The following DOCK3 variants were observed in gnomAD, a reference collection of about 807,000 sequenced individuals.
The protein encoded by DOCK3 is dedicator of cytokinesis protein 3.
A neutral mutation model predicts 265.6 loss-of-function variants in DOCK3; 60 were observed. The observed-to-expected ratio is 0.23, with a 90% CI of 0.18 to 0.28. The LOEUF (loss-of-function observed/expected upper bound fraction) is 0.28. Among genes scored for constraint, DOCK3 ranks in the 10% least tolerant of loss-of-function variants. The pLI is 1.00. For synonymous variants in DOCK3, 881 were observed against 938.0 expected, an observed-to-expected ratio of 0.94 and a Z score of 1.11; for missense variants, 1,981 against 2,594.3, an observed-to-expected ratio of 0.76 and a Z score of 5.14.
At chr3:51,030,990 T>G (rs2080024803) in intron 5 of DOCK3, among the ~76,000 whole-genome samples, 1 of 152,252 alleles carries the variant, frequency 6.6e-6, no homozygotes, top group Non-Finnish European at 1.5e-5. Flanking sequence ...AATGCCTGGC[T>G]GTCTTGAAAA....
At chr3:50,681,368 A>G (rs1273332834) in intron 1 of DOCK3, among the ~76,000 whole-genome samples, 1 of 152,144 alleles carries the variant, frequency 6.6e-6, no homozygotes, top group Non-Finnish European at 1.5e-5. Context: ...ATTTTTTAAA[A>G]TTTTTGTGTC....
chr3:51,235,989 A>G (rs1232863156), intron 19 of DOCK3, among the ~76,000 whole-genome samples: 1 of 152,210 alleles, frequency 6.6e-6, no homozygotes, highest in Non-Finnish European at 1.5e-5. Context: ...TTCTCAAAAT[A>G]AATTTGGCAT....
intron 5 of DOCK3, among the ~76,000 whole-genome samples, chr3:50,983,525 A>T (rs1333000852): frequency 6.6e-6 from 1 of 152,024 alleles, no homozygotes; most frequent in Non-Finnish European, 1.5e-5. Flanking sequence ...TTTCTGCTGA[A>T]AGTTGAGCAC....
intron 5 of DOCK3, among the ~76,000 whole-genome samples, chr3:51,034,127 G>A (rs1187994556): frequency 6.6e-6 from 1 of 152,070 alleles, no homozygotes. Flanking sequence ...TTTAATTGAT[G>A]TATAGTTTTT....
At chr3:50,749,012 T>TCCTG (rs1032581655) in intron 1 of DOCK3, among the ~76,000 whole-genome samples, 3 of 152,204 alleles carry the variant, frequency 2.0e-5, no homozygotes, top group Middle Eastern at 3.4e-3. Context: ...TGATGATACT[T>TCCTG]CCTGCCTGCC....
At chr3:51,003,930 T>C (rs1333876681) in intron 5 of DOCK3, among the ~76,000 whole-genome samples, 1 of 152,180 alleles carries the variant, frequency 6.6e-6, no homozygotes, top group Non-Finnish European at 1.5e-5. Flanking sequence ...CAAAACAGCC[T>C]ACCTTCCTAA....
intron 2 of DOCK3, among the ~76,000 whole-genome samples, chr3:50,793,028 T>A (rs1218064938): frequency 6.6e-6 from 1 of 152,210 alleles, no homozygotes; most frequent in African/African-American, 2.4e-5. Flanking sequence ...GCTGTGAATT[T>A]GTCTGGTCCT....
chr3:51,237,703 T>C (rs1263056891), intron 21 of DOCK3, 113 bp downstream of exon 21: 4 of 908,134 alleles, frequency 4.4e-6, no homozygotes, highest in Non-Finnish European at 6.7e-6. Context: ...TTTAAAAATT[T>C]TATATTTTTA....
intron 11 of DOCK3, among the ~76,000 whole-genome samples, 198 bp downstream of exon 11, chr3:51,159,502 TG>T (rs367886997): frequency 6.8e-4 from 103 of 152,074 alleles, no homozygotes; most frequent in African/African-American, 2.3e-3. Flanking sequence ...TTCGGGGGGG[TG>T]GGTTTTGTTT....
chr3:51,129,843 A>G (rs1048895426), intron 9 of DOCK3, among the ~76,000 whole-genome samples: 2 of 152,198 alleles, frequency 1.3e-5, no homozygotes, highest in African/African-American at 4.8e-5. Flanking sequence ...ATATGGCCCA[A>G]GTGGCAGAGC....
chr3:50,724,239 T>C lies in DOCK3; in HGVS notation c.37+48939T>C, dbSNP rs2037667892. Among the ~76,000 whole-genome samples, 3 of 152,350 alleles carry C rather than the reference T, an allele frequency of 2.0e-5. No individual in the cohort carries two copies. In the South Asian group the frequency reaches 6.2e-4, roughly 32 times the overall value. On this transcript the variant is annotated intron_variant, in intron 1 of 52. Coordinates refer to ENST00000266037, the MANE Select transcript of DOCK3 (RefSeq NM_004947.5). ...TGCAGAAATAGGAATGCTTTTACAC[T>C]GTTGATGGGAGTGTAAATTAGTTAA...
At chr3:51,344,372 A>G (rs1227459725) in intron 38 of DOCK3, among the ~76,000 whole-genome samples, 2 of 152,154 alleles carry the variant, frequency 1.3e-5, no homozygotes, top group African/African-American at 4.8e-5. Flanking sequence ...TGCAATCCCA[A>G]CACTTCGGGA....
intron 38 of DOCK3, among the ~76,000 whole-genome samples, chr3:51,342,348 C>G (rs1322779035): frequency 6.6e-6 from 1 of 152,218 alleles, no homozygotes; most frequent in African/African-American, 2.4e-5. Flanking sequence ...TCTTATGTAA[C>G]CTAGCCCAGA....
intron 1 of DOCK3, among the ~76,000 whole-genome samples, chr3:50,750,267 T>C (rs1009084854): frequency 6.6e-6 from 1 of 151,644 alleles, no homozygotes; most frequent in African/African-American, 2.4e-5. Context: ...AACTGGTCTC[T>C]GGTGCCAAAA....
chr3:50,770,494 T>C (rs969344260), intron 1 of DOCK3, among the ~76,000 whole-genome samples: 7 of 151,984 alleles, frequency 4.6e-5, no homozygotes, highest in Admixed American at 1.3e-4. Flanking sequence ...GAACAATCAG[T>C]ATTTTTTAAA....
chr3:50,724,494 T>C (rs1285230466), intron 1 of DOCK3, among the ~76,000 whole-genome samples: 1 of 152,174 alleles, frequency 6.6e-6, no homozygotes, highest in Non-Finnish European at 1.5e-5. Flanking sequence ...ATATACACCA[T>C]GCAATACTAT....
chr3:51,378,230 G>T (rs1421327047), intron 51 of DOCK3, among the ~76,000 whole-genome samples: 2 of 152,192 alleles, frequency 1.3e-5, no homozygotes, highest in Non-Finnish European at 2.9e-5. Flanking sequence ...CCAGGAGACG[G>T]GGCAATTCTC....
intron 2 of DOCK3, among the ~76,000 whole-genome samples, chr3:50,783,500 C>T (rs1211890626): frequency 6.6e-6 from 1 of 152,020 alleles, no homozygotes; most frequent in African/African-American, 2.4e-5. Flanking sequence ...ATGGACAATT[C>T]TTGAGAATTG....
At chr3:50,886,387 T>A (rs774308771) in intron 3 of DOCK3, among the ~76,000 whole-genome samples, 4 of 151,946 alleles carry the variant, frequency 2.6e-5, no homozygotes, top group Non-Finnish European at 5.9e-5. Context: ...GTGCAGTTGC[T>A]TTTTAAATCC....
Sources: allele counts gnomAD v4.1 joint callset (sites outside exome capture counted in the v4.1 genomes callset), GRCh38; gene constraint gnomAD v4.1.1; transcripts MANE v1.5; gene names NCBI Gene and HGNC (gene_info 2026-07-23, HGNC 2026-07-21).